SLA2: variants seen among roughly 807,000 people sequenced by gnomAD.
The protein encoded by SLA2 is Src like adaptor 2.
Under a neutral mutation model 27.3 loss-of-function variants are expected in SLA2, and 22 were observed. The ratio of observed to expected loss-of-function variants is 0.81; its 90% CI spans 0.58 to 1.15. The LOEUF is 1.15. SLA2 is among the 50% of genes most tolerant of loss of function. The pLI is 0.00. For missense variants in SLA2, 304 were observed against 322.2 expected, an observed-to-expected ratio of 0.94 and a Z score of 0.43; for synonymous variants, 131 against 137.8, an observed-to-expected ratio of 0.95 and a Z score of 0.34.
intron 5 of SLA2, 120 bp downstream of exon 5, chr20:36,632,475 G>A: frequency 1.4e-6 from 1 of 733,062 alleles, no homozygotes; most frequent in South Asian, 1.7e-5. Flanking sequence ...AGGAAATCTT[G>A]GTTGACTGAG....
chr20:36,612,365 A>G lies in SLA2; in HGVS notation c.*1501T>C. On this transcript the variant is annotated 3_prime_UTR_variant, in exon 8 of 8. Transcript: ENST00000262866. ...TAATTTGATGCACCTCTGGATTCAGATGAAACATTAAATTGTCTTCCTCGA... is the reference window on the plus strand; with the variant it reads ...TAATTTGATGCACCTCTGGATTCAGGTGAAACATTAAATTGTCTTCCTCGA... The G allele has an allele frequency of 4.0e-6, 3 of 747,710 alleles. No individual in the cohort carries two copies. The South Asian group carries it at 5.1e-5, about 13-fold the overall frequency. The allele number at this position is 747,710 out of a possible 1,614,324, so 46.3% of individuals were successfully genotyped here. A position where few individuals can be genotyped will look rare whatever the true frequency, so the allele number is the denominator to read the frequency against.
chr20:36,616,483 A>G (rs1006866339), intron 5 of SLA2, among the ~76,000 whole-genome samples: 4 of 151,700 alleles, frequency 2.6e-5, no homozygotes, highest in African/African-American at 7.3e-5. Context: ...GGCGCCTGCC[A>G]CCACCACGCC....
chr20:36,643,564 G>T (rs138920204), intron 1 of SLA2, among the ~76,000 whole-genome samples: 1 of 152,164 alleles, frequency 6.6e-6, no homozygotes, highest in Non-Finnish European at 1.5e-5. Flanking sequence ...TTTCTGTGGC[G>T]TCCTGGACCA....
At chr20:36,618,703 C>G (rs573401025) in intron 5 of SLA2, among the ~76,000 whole-genome samples, 11 of 151,056 alleles carry the variant, frequency 7.3e-5, no homozygotes, top group African/African-American at 2.7e-4. Flanking sequence ...GTCAGGAGTT[C>G]AAGACCAGCC....
At chr20:36,628,396 G>A (rs1201488950) in intron 5 of SLA2, among the ~76,000 whole-genome samples, 7 of 152,136 alleles carry the variant, frequency 4.6e-5, no homozygotes, top group Admixed American at 1.3e-4. Flanking sequence ...CTACAAACAC[G>A]CACTGGTCCA....
chr20:36,630,757 CAG>C (rs1353360600), intron 5 of SLA2, among the ~76,000 whole-genome samples: 7 of 152,202 alleles, frequency 4.6e-5, no homozygotes, highest in Admixed American at 1.3e-4. Context: ...TTAAAGGACT[CAG>C]GGGCAGCAGC....
intron 7 of SLA2, 38 bp from the exon 8 acceptor site, chr20:36,614,024 TTCC>T (rs2039174503): frequency 1.2e-6 from 2 of 1,610,418 alleles, no homozygotes; most frequent in Non-Finnish European, 1.7e-6. Context: ...AAGAAGCCTC[TTCC>T]TCCTCCCTGT....
At chr20:36,644,827 G>C (rs1275410251) in intron 1 of SLA2, among the ~76,000 whole-genome samples, 1 of 149,358 alleles carries the variant, frequency 6.7e-6, no homozygotes, top group Admixed American at 6.7e-5. Flanking sequence ...GAAAAAGTTA[G>C]TCAACGGCAG....
Position 36,614,313 on chromosome 20 carries a change from C to CTCTT in SLA2, c.653_656dup (p.Leu220ArgfsTer10), listed in dbSNP as rs2039179850. ...GGAGTCCCCAACTTTACCTGTCCAG[C>CTCTT]TCTTTCCAGTTGAGTGGTGTCCTCT... On this transcript the variant is annotated frameshift_variant, in exon 7 of 8. Transcript: ENST00000262866. LOFTEE classifies it high-confidence loss of function. 1 of 1,614,082 alleles carries CTCTT rather than the reference C, an allele frequency of 6.2e-7. No homozygotes were observed. The highest frequency in any genetic ancestry group is 8.5e-7 in the Non-Finnish European group (1 of 1,180,036).
chr20:36,637,940 C>G (rs1383890887), intron 2 of SLA2, among the ~76,000 whole-genome samples: 3 of 133,062 alleles, frequency 2.3e-5, no homozygotes, highest in East Asian at 2.3e-4. Context: ...CCGGGCTGGA[C>G]TGCAATGGCA....
chr20:36,626,398 A>AC (rs1568604734), intron 5 of SLA2, among the ~76,000 whole-genome samples: 5 of 150,918 alleles, frequency 3.3e-5, no homozygotes, highest in Admixed American at 6.6e-5. Flanking sequence ...CTAAAAAAAA[A>AC]AAAACACACA....
chr20:36,631,114 T>C (rs1462870861), intron 5 of SLA2, among the ~76,000 whole-genome samples: 1 of 152,194 alleles, frequency 6.6e-6, no homozygotes, highest in Non-Finnish European at 1.5e-5. Flanking sequence ...TAGTTGCCAA[T>C]GTGTTGGCTG....
At chr20:36,638,290 T>G (rs2039472959) in intron 2 of SLA2, among the ~76,000 whole-genome samples, 2 of 151,974 alleles carry the variant, frequency 1.3e-5, no homozygotes, top group Admixed American at 1.3e-4. Context: ...ATGAAAAACT[T>G]GAGATGGGGA....
intron 5 of SLA2, among the ~76,000 whole-genome samples, chr20:36,626,852 A>G (rs1297914435): frequency 6.6e-6 from 1 of 152,112 alleles, no homozygotes; most frequent in Non-Finnish European, 1.5e-5. Flanking sequence ...CAAAAAAAAA[A>G]AAAAAAAGAG....
intron 5 of SLA2, among the ~76,000 whole-genome samples, chr20:36,617,327 T>G (rs961397874): frequency 7.2e-5 from 11 of 151,774 alleles, no homozygotes; most frequent in Non-Finnish European, 1.2e-4. Flanking sequence ...ATCACACCAC[T>G]GCACTACAGC....
Position 36,626,340 on chromosome 20 carries a change from C to T in SLA2, c.382+6255G>A, listed in dbSNP as rs544539511. Among the ~76,000 whole-genome samples, 124 of 151,370 alleles carry T rather than the reference C, an allele frequency of 8.2e-4. 1 individual carries two copies. The highest frequency in any genetic ancestry group is 2.7e-3 in the African/African-American group (110 of 41,204). ...CCAGGAGGCATAGGTTGCAATGAGCCGAGATTGTGCCACTGCACTCCAGCC... is the reference window on the plus strand; with the variant it reads ...CCAGGAGGCATAGGTTGCAATGAGCTGAGATTGTGCCACTGCACTCCAGCC... On this transcript the variant is annotated intron_variant, in intron 5 of 7. Coordinates refer to ENST00000262866, the MANE Select transcript of SLA2 (RefSeq NM_032214.4).
chr20:36,638,239 T>C (rs1196865709), intron 2 of SLA2, among the ~76,000 whole-genome samples: 2 of 152,130 alleles, frequency 1.3e-5, no homozygotes, highest in African/African-American at 4.8e-5. Flanking sequence ...GATTTTCACA[T>C]CTTTAATTAT....
intron 5 of SLA2, among the ~76,000 whole-genome samples, chr20:36,632,375 C>G (rs2039401207): frequency 6.6e-6 from 1 of 152,328 alleles, no homozygotes; most frequent in South Asian, 2.1e-4. Context: ...CCAAAGTTAG[C>G]TGCCTCTCCT....
intron 5 of SLA2, among the ~76,000 whole-genome samples, chr20:36,629,016 T>C (rs2147988491): frequency 6.6e-6 from 1 of 152,126 alleles, no homozygotes; most frequent in East Asian, 1.9e-4. Context: ...CATCTCCTTT[T>C]GGAATTGACT....
Sources: allele counts gnomAD v4.1 joint callset (sites outside exome capture counted in the v4.1 genomes callset), GRCh38; gene constraint gnomAD v4.1.1; transcripts MANE v1.5; gene names NCBI Gene and HGNC (gene_info 2026-07-23, HGNC 2026-07-21).